Variants in CLMN observed in about 807,000 individuals in gnomAD.
CLMN encodes the protein calmin.
CLMN carries 57 observed loss-of-function variants against 92.7 expected under a neutral mutation model. That is an observed-to-expected ratio of 0.61 (90% CI 0.50 to 0.77). CLMN has a LOEUF of 0.77. Ranked by LOEUF, CLMN falls within the 30% of genes least tolerant of loss-of-function variation. The pLI is 0.00. For missense variants in CLMN, 1,158 were observed against 1,237.5 expected, an observed-to-expected ratio of 0.94 and a Z score of 0.96; for synonymous variants, 466 against 470.6, an observed-to-expected ratio of 0.99 and a Z score of 0.13.
At chr14:95,283,049 G>A (rs766140729) in intron 1 of CLMN, among the ~76,000 whole-genome samples, 11 of 152,258 alleles carry the variant, frequency 7.2e-5, no homozygotes, top group Non-Finnish European at 1.0e-4. Context: ...ATGCTGTGGT[G>A]ATATGGTTTG....
chr14:95,261,981 G>C (rs1899275276), intron 1 of CLMN, among the ~76,000 whole-genome samples: 2 of 152,246 alleles, frequency 1.3e-5, no homozygotes, highest in Non-Finnish European at 2.9e-5. Flanking sequence ...CGGCAGCTTG[G>C]CTCTGGGCTC....
Position 95,259,163 on chromosome 14 carries a change from A to G in CLMN, c.83-29030T>C, listed in dbSNP as rs982015906. 6.6e-6 allele frequency among the ~76,000 whole-genome samples: 1 copy of G among 152,044 alleles called. No homozygotes were observed. Among genetic ancestry groups the G allele is most frequent in the Non-Finnish European group, 1.5e-5 (1 of 67,982 alleles). On this transcript the variant is annotated intron_variant, in intron 1 of 12. Coordinates refer to ENST00000298912, the MANE Select transcript of CLMN (RefSeq NM_024734.4). The surrounding 1 kb of genome is among the most constrained non-coding windows in gnomAD (Gnocchi z 4.3). ...TGTGCACTCAGGGAGTTGGTGCTGCATGGCAGGCTGGAGCGGAGAGCTGTG... is the reference window on the plus strand; with the variant it reads ...TGTGCACTCAGGGAGTTGGTGCTGCGTGGCAGGCTGGAGCGGAGAGCTGTG...
chr14:95,250,691 A>G (rs1595059285), intron 1 of CLMN, among the ~76,000 whole-genome samples: 1 of 152,252 alleles, frequency 6.6e-6, no homozygotes, highest in Admixed American at 6.5e-5. Context: ...CATGTCATCC[A>G]GGTTCTAAAA....
intron 1 of CLMN, among the ~76,000 whole-genome samples, chr14:95,312,474 G>A (rs1343998198): frequency 6.6e-6 from 1 of 152,092 alleles, no homozygotes; most frequent in Non-Finnish European, 1.5e-5. Flanking sequence ...TACTTGTCAC[G>A]TGCCCTGGGT....
chr14:95,225,920 C>T (rs1317258133), intron 2 of CLMN, among the ~76,000 whole-genome samples: 1 of 152,138 alleles, frequency 6.6e-6, no homozygotes, highest in Non-Finnish European at 1.5e-5. Context: ...TGGACGTGGC[C>T]GGGAGTCTGA....
intron 1 of CLMN, among the ~76,000 whole-genome samples, chr14:95,274,035 G>A (rs889335614): frequency 4.6e-5 from 7 of 152,252 alleles, no homozygotes; most frequent in African/African-American, 1.7e-4. Context: ...GTCCTTTACC[G>A]ATGTAGTTCT....
Position 95,221,594 on chromosome 14 carries a change from G to A in CLMN, c.324+97C>T, listed in dbSNP as rs776676452. On this transcript the variant is annotated intron_variant, in intron 4 of 12. Transcript: ENST00000298912. ...ATTTGACCATTTTAGCTCAGTCCCC[G>A]TCTCACGCTTCTCTTGCGACCAGCA... 3.1e-4 allele frequency: 332 copies of A among 1,054,550 alleles called. 3 individuals carry two copies. The highest frequency in any genetic ancestry group is 4.1e-4 in the Non-Finnish European group (290 of 702,498). The allele number at this position is 1,054,550 out of a possible 1,614,324, so 65.3% of individuals were successfully genotyped here.
chr14:95,202,942 C>A lies in CLMN; in HGVS notation c.2407G>T (p.Gly803Cys). 6.2e-7 allele frequency: 1 copy of A among 1,613,676 alleles called. No individual in the cohort carries two copies. Among genetic ancestry groups the A allele is most frequent in the Non-Finnish European group, 8.5e-7 (1 of 1,179,850 alleles). ...ASDQVLYLSR[G>C]GVGTTPASEP... ...GAGGCTGGTGTGGTACCCACACCACCCCTGCTGAGATACAGCACCTGGTCG... is the reference window on the plus strand; with the variant it reads ...GAGGCTGGTGTGGTACCCACACCACACCTGCTGAGATACAGCACCTGGTCG... The change falls in exon 9 of 13, where the codon GGT becomes TGT. Residue 803 changes from glycine (G) to cysteine (C), a missense_variant. Gly to Cys is a radical substitution (Grantham distance 159). Transcript: ENST00000298912.
chr14:95,251,131 T>A (rs1262802838), intron 1 of CLMN, among the ~76,000 whole-genome samples: 2 of 152,080 alleles, frequency 1.3e-5, no homozygotes, highest in Non-Finnish European at 2.9e-5. Context: ...CACTCAATGA[T>A]CTCATGTGTG....
chr14:95,293,246 TTCCCTCCCTCCTTCCC>T (rs1259416281), intron 1 of CLMN, among the ~76,000 whole-genome samples: 86 of 63,804 alleles, frequency 1.3e-3, no homozygotes, highest in Middle Eastern at 8.9e-3. Context: ...CCCTCCTTCC[TTCCCTCCCTCCTTCCC>T]TCCCTCCCTC....
At chr14:95,263,445 C>T (rs1438591903) in intron 1 of CLMN, among the ~76,000 whole-genome samples, 1 of 152,084 alleles carries the variant, frequency 6.6e-6, no homozygotes, top group African/African-American at 2.4e-5. Flanking sequence ...AACCCTATTA[C>T]CCACTGGGGT....
chr14:95,245,267 A>G (rs1330204880), intron 1 of CLMN, among the ~76,000 whole-genome samples: 2 of 49,908 alleles, frequency 4.0e-5, no homozygotes, highest in Non-Finnish European at 6.6e-5. Context: ...ATATATATAT[A>G]TATTATATAT....
At chr14:95,316,422 A>T (rs1901774034) in intron 1 of CLMN, among the ~76,000 whole-genome samples, 1 of 152,246 alleles carries the variant, frequency 6.6e-6, no homozygotes, top group Non-Finnish European at 1.5e-5. Context: ...GCATGTGAAC[A>T]TATCCATGAA....
At chr14:95,245,882 GGATGGATGGA>G (rs1419403516) in intron 1 of CLMN, among the ~76,000 whole-genome samples, 5 of 145,888 alleles carry the variant, frequency 3.4e-5, no homozygotes, top group African/African-American at 1.3e-4. Flanking sequence ...ATGGATGGAT[GGATGGATGGA>G]CACACGGATG....
intron 4 of CLMN, among the ~76,000 whole-genome samples, chr14:95,216,230 T>C (rs1368383474): frequency 7.2e-5 from 11 of 152,198 alleles, no homozygotes; most frequent in Non-Finnish European, 1.5e-5. Flanking sequence ...TATAAAACCA[T>C]CAGCTCTCAG....
rs150706565 is a variant in CLMN, at chr14:95,241,641, A to G, written c.83-11508T>C. Among the ~76,000 whole-genome samples the G allele has an allele frequency of 7.9e-5, 12 of 152,284 alleles. No homozygotes were observed. In the Middle Eastern group the frequency reaches 0.01, roughly 129 times the overall value. ...TCTCCTGGAGCTGGAAGTGTCACCA[A>G]CATTTTGTGTTAATTAGCACAAGAG... On this transcript the variant is annotated intron_variant, in intron 1 of 12. Coordinates refer to ENST00000298912, the MANE Select transcript of CLMN (RefSeq NM_024734.4).
intron 1 of CLMN, among the ~76,000 whole-genome samples, chr14:95,251,260 G>C (rs917001260): frequency 1.3e-5 from 2 of 152,166 alleles, no homozygotes; most frequent in African/African-American, 4.8e-5. Flanking sequence ...TTGTGCCTCT[G>C]CATGTGATAT....
intron 8 of CLMN, 124 bp from the exon 9 acceptor site, chr14:95,204,587 C>A: frequency 1.1e-6 from 1 of 914,340 alleles, no homozygotes; most frequent in East Asian, 2.7e-5. Context: ...TCCCAAAACA[C>A]AAACAAACAA....
At chr14:95,319,665 C>A in intron 1 of CLMN, 46 bp downstream of exon 1, 2 of 1,480,216 alleles carry the variant, frequency 1.4e-6, no homozygotes, top group Middle Eastern at 1.7e-4. Context: ...GCGCCCCGGG[C>A]CCCCCGAGCG....
Sources: allele counts gnomAD v4.1 joint callset (sites outside exome capture counted in the v4.1 genomes callset), GRCh38; gene constraint gnomAD v4.1.1; non-coding constraint Gnocchi (gnomAD v3.1); transcripts MANE v1.5; gene names NCBI Gene and HGNC (gene_info 2026-07-23, HGNC 2026-07-21).